Variants in TBC1D5 observed in about 807,000 individuals in gnomAD.
TBC1D5 encodes TBC1 domain family member 5, also known as TBC1 domain family, member 5.
In TBC1D5, 75 loss-of-function variants were observed where a neutral mutation model predicts 100.3. The ratio of observed to expected loss-of-function variants is 0.75; its 90% CI spans 0.62 to 0.91. The LOEUF (loss-of-function observed/expected upper bound fraction) is 0.91. Among genes scored for constraint, TBC1D5 ranks in the 40% least tolerant of loss-of-function variants. TBC1D5 has a pLI of 0.00. For synonymous variants in TBC1D5, 323 were observed against 325.6 expected (o/e 0.99, Z 0.09); for missense variants, 910 against 942.4 (o/e 0.97, Z 0.45).
At chr3:17,429,930 A>C (rs2094417308) in intron 3 of TBC1D5, among the ~76,000 whole-genome samples, 1 of 148,772 alleles carries the variant, frequency 6.7e-6, no homozygotes, top group Admixed American at 6.7e-5. Flanking sequence ...TGTTTTTTGA[A>C]AAAACAAAAA....
At chr3:17,367,181 C>A (rs1257862616) in intron 13 of TBC1D5, among the ~76,000 whole-genome samples, 1 of 152,124 alleles carries the variant, frequency 6.6e-6, no homozygotes, top group African/African-American at 2.4e-5. Flanking sequence ...GTTATTCTGG[C>A]CTACTAAAAC....
intron 2 of TBC1D5, among the ~76,000 whole-genome samples, chr3:17,557,503 A>G (rs1358168349): frequency 2.0e-5 from 3 of 152,148 alleles, no homozygotes; most frequent in Non-Finnish European, 4.4e-5. Flanking sequence ...TGCAACTTCC[A>G]TTTATGGTCT....
intron 18 of TBC1D5, among the ~76,000 whole-genome samples, chr3:17,193,287 T>C (rs2070212641): frequency 6.6e-6 from 1 of 152,200 alleles, no homozygotes; most frequent in South Asian, 2.1e-4. Context: ...AGGTCAAGTA[T>C]AGGGAGAAAC....
chr3:17,531,540 C>A (rs910652386), intron 2 of TBC1D5, among the ~76,000 whole-genome samples: 89 of 152,216 alleles, frequency 5.8e-4, no homozygotes, highest in Non-Finnish European at 1.1e-3. Flanking sequence ...AATCCTAAGC[C>A]AAAAGAACGA....
At chr3:17,453,666 C>A (rs1204032681) in intron 3 of TBC1D5, among the ~76,000 whole-genome samples, 1 of 152,116 alleles carries the variant, frequency 6.6e-6, no homozygotes, top group Non-Finnish European at 1.5e-5. Flanking sequence ...AATGGCTTTA[C>A]TGCTGAATTC....
chr3:17,555,720 G>A (rs923026139), intron 2 of TBC1D5, among the ~76,000 whole-genome samples: 13 of 152,192 alleles, frequency 8.5e-5, no homozygotes, highest in African/African-American at 3.1e-4. Flanking sequence ...CCTGCTATCT[G>A]TCATGTGATG....
intron 3 of TBC1D5, among the ~76,000 whole-genome samples, chr3:17,434,026 C>G (rs1382236200): frequency 6.6e-6 from 1 of 152,230 alleles, no homozygotes. Context: ...CTCCCACGGC[C>G]TTGGGTAGCT....
intron 2 of TBC1D5, among the ~76,000 whole-genome samples, chr3:17,581,837 T>G (rs2096699579): frequency 6.6e-6 from 1 of 152,216 alleles, no homozygotes; most frequent in Non-Finnish European, 1.5e-5. Flanking sequence ...GATTCTCAGT[T>G]ACATCTCTAC....
intron 2 of TBC1D5, among the ~76,000 whole-genome samples, chr3:17,562,355 A>T (rs2096564515): frequency 6.6e-6 from 1 of 152,012 alleles, no homozygotes; most frequent in Non-Finnish European, 1.5e-5. Flanking sequence ...TGTTAGAGAG[A>T]TTTTACCCAA....
chr3:17,516,434 G>C (rs1401391150), intron 2 of TBC1D5, among the ~76,000 whole-genome samples: 1 of 152,096 alleles, frequency 6.6e-6, no homozygotes, highest in Non-Finnish European at 1.5e-5. Context: ...TTATAATAAA[G>C]TAGTAGGCAT....
chr3:17,345,415 A>C (rs1430360880), intron 13 of TBC1D5, among the ~76,000 whole-genome samples: 2 of 152,078 alleles, frequency 1.3e-5, no homozygotes, highest in East Asian at 3.9e-4. Context: ...AAAAGTCAGG[A>C]AACAACAGGT....
intron 16 of TBC1D5, among the ~76,000 whole-genome samples, chr3:17,239,633 T>C (rs950231469): frequency 2.0e-5 from 3 of 152,200 alleles, no homozygotes; most frequent in African/African-American, 7.2e-5. Context: ...AGGTCTATTC[T>C]TATTTGACTC....
intron 13 of TBC1D5, among the ~76,000 whole-genome samples, chr3:17,314,744 A>G (rs1359096345): frequency 6.6e-6 from 1 of 152,186 alleles, no homozygotes; most frequent in Non-Finnish European, 1.5e-5. Flanking sequence ...TTTCCTGTCG[A>G]TATTTTGGCT....
intron 3 of TBC1D5, among the ~76,000 whole-genome samples, chr3:17,496,689 C>T (rs1349914071): frequency 6.6e-6 from 1 of 151,958 alleles, no homozygotes; most frequent in Admixed American, 6.6e-5. Flanking sequence ...GTGTGGACTG[C>T]AACGTGAAAA....
chr3:17,602,044 G>C (rs146944192), intron 2 of TBC1D5, among the ~76,000 whole-genome samples: 165 of 152,158 alleles, frequency 1.1e-3, no homozygotes, highest in African/African-American at 3.5e-3. Context: ...TGTTAACCAG[G>C]ATGGTCTCAA....
In TBC1D5 at chr3:17,383,898, A is replaced by G. The variant is rs1380141823; in HGVS notation, c.612+15T>C. The G allele has an allele frequency of 1.3e-6, 2 of 1,573,060 alleles. No individual in the cohort carries two copies. Among genetic ancestry groups the G allele is most frequent in the Non-Finnish European group, 1.7e-6 (2 of 1,151,926 alleles). ...TTTGAGTCAATGGATGCCACCTGTA[A>G]GATATTTTCATTACCTGTTTATAAA... On this transcript the variant is annotated intron_variant, in intron 9 of 21. Transcript: ENST00000253692.
chr3:17,685,459 T>C (rs909199254), intron 1 of TBC1D5, among the ~76,000 whole-genome samples: 8 of 151,882 alleles, frequency 5.3e-5, no homozygotes, highest in African/African-American at 1.9e-4. Flanking sequence ...AATAAATAAT[T>C]CTGCAAAATA....
chr3:17,629,155 T>G (rs1250927514), intron 1 of TBC1D5, among the ~76,000 whole-genome samples: 1 of 152,224 alleles, frequency 6.6e-6, no homozygotes, highest in Non-Finnish European at 1.5e-5. Flanking sequence ...GGTCTTTTTT[T>G]TAGGCTGTCC....
intron 1 of TBC1D5, among the ~76,000 whole-genome samples, chr3:17,691,779 T>C (rs1241153524): frequency 6.7e-6 from 1 of 149,656 alleles, no homozygotes; most frequent in East Asian, 2.0e-4. Context: ...ATCGAGCCAC[T>C]GCACTCCAGC....
Sources: gnomAD v4.1 joint callset for allele counts (sites outside exome capture counted in the v4.1 genomes callset) on GRCh38, gnomAD v4.1.1 for gene constraint, MANE v1.5 for transcripts, NCBI Gene and HGNC (gene_info 2026-07-23, HGNC 2026-07-21) for gene names.